PRCP: variants seen among roughly 807,000 people sequenced by gnomAD.
The protein encoded by PRCP is prolylcarboxypeptidase.
In PRCP, 46 loss-of-function variants were observed where a neutral mutation model predicts 54.2. That is an observed-to-expected ratio of 0.85 (90% CI 0.67 to 1.09). The LOEUF (loss-of-function observed/expected upper bound fraction) is 1.09. PRCP is among the 50% of genes least tolerant of loss of function. The pLI, the probability that PRCP is intolerant of heterozygous loss-of-function variation, is 0.00. For synonymous variants in PRCP, 240 were observed against 212.2 expected, an observed-to-expected ratio of 1.13 and a Z score of -1.14; for missense variants, 613 against 596.8, an observed-to-expected ratio of 1.03 and a Z score of -0.28.
chr11:82,829,068 A>T (rs887868264), intron 8 of PRCP: 2 of 152,166 alleles, frequency 1.3e-5, no homozygotes, highest in Non-Finnish European at 2.9e-5. Flanking sequence ...ACCCTGATCC[A>T]AGTCACCATT....
chr11:82,834,073 T>A (rs1858457479), intron 8 of PRCP, among the ~76,000 whole-genome samples: 1 of 152,172 alleles, frequency 6.6e-6, no homozygotes, highest in Non-Finnish European at 1.5e-5. Context: ...GAAACGAGCT[T>A]CTTGCCCTTC....
At chr11:82,877,469 G>A (rs965964008) in intron 1 of PRCP, among the ~76,000 whole-genome samples, 6 of 152,132 alleles carry the variant, frequency 3.9e-5, no homozygotes, top group Non-Finnish European at 7.4e-5. Context: ...AAGTGGTTAC[G>A]TGGGCTGAGC....
At chr11:82,866,725 A>C (rs1859345495) in intron 1 of PRCP, among the ~76,000 whole-genome samples, 1 of 151,380 alleles carries the variant, frequency 6.6e-6, no homozygotes, top group Non-Finnish European at 1.5e-5. Flanking sequence ...AATTGTTTTT[A>C]ATTTTTTTTT....
At chr11:82,827,426 T>A (rs928620026) in intron 8 of PRCP, 2 of 152,234 alleles carry the variant, frequency 1.3e-5, no homozygotes, top group African/African-American at 4.8e-5. Context: ...TATTCTGAGT[T>A]GATTTTTTTG....
At position 82,878,616 on chromosome 11, in the gene PRCP, G is replaced by T. The variant is rs560611828; in HGVS notation, c.169-18499C>A. 7.2e-4 allele frequency among the ~76,000 whole-genome samples: 110 copies of T among 152,260 alleles called. 1 individual carries two copies. Among genetic ancestry groups the T allele is most frequent in the Non-Finnish European group, 1.3e-3 (89 of 68,028 alleles). On this transcript the variant is annotated intron_variant, in intron 1 of 8. Transcript: ENST00000313010. ...TAGCTGGTTATTTTGCTCATTAGTT[G>T]ATGCAGTTTCTTCCTAGCACTGAGG... is the stretch of plus-strand genomic sequence containing the variant.
Position 82,824,744 on chromosome 11 carries a change from G to T in PRCP, c.*162C>A, listed in dbSNP as rs1858179511. The T allele has an allele frequency of 1.4e-6, 1 of 697,260 alleles. No homozygotes were observed. 43.2% of individuals were successfully genotyped at this position (697,260 alleles called of 1,614,324 possible). ...GAGAACCCAGGAAATCACATTCATGGGACACTTGCTCTTACCGTCATCACC... is the reference window on the plus strand; with the variant it reads ...GAGAACCCAGGAAATCACATTCATGTGACACTTGCTCTTACCGTCATCACC... On this transcript the variant is annotated 3_prime_UTR_variant, in exon 9 of 9. Transcript: ENST00000313010.
chr11:82,844,161 A>G (rs571564486), intron 6 of PRCP, among the ~76,000 whole-genome samples: 1 of 152,302 alleles, frequency 6.6e-6, no homozygotes. Context: ...TGAAATACTC[A>G]TAACAACCCT....
At chr11:82,855,511 C>T (rs914588802) in intron 2 of PRCP, among the ~76,000 whole-genome samples, 1 of 151,916 alleles carries the variant, frequency 6.6e-6, no homozygotes, top group East Asian at 1.9e-4. Context: ...CCCAGCTACT[C>T]GGGAGACTGA....
rs558476438 is a variant in PRCP at position 82,868,978 on chromosome 11, G to A, written c.169-8861C>T. 2.6e-5 allele frequency among the ~76,000 whole-genome samples: 4 copies of A among 152,258 alleles called. No homozygotes were observed. The South Asian group carries it at 8.3e-4, about 32-fold the overall frequency. On this transcript the variant is annotated intron_variant, in intron 1 of 8. Coordinates refer to ENST00000313010, the MANE Select transcript of PRCP (RefSeq NM_005040.4). ...TTGAACCTGGGAGGCAGAGGTTGCG[G>A]TAAGCCAAGATCACACCACTGCATT... is the stretch of plus-strand genomic sequence containing the variant.
chr11:82,862,078 AAAAAAAAAATCC>A (rs1175509447), intron 1 of PRCP, among the ~76,000 whole-genome samples: 8 of 122,516 alleles, frequency 6.5e-5, no homozygotes, highest in African/African-American at 1.7e-4. Context: ...TACAAAATCA[AAAAAAAAAATCC>A]AAAAAAAAAT....
intron 1 of PRCP, among the ~76,000 whole-genome samples, chr11:82,869,235 AG>A (rs1859418664): frequency 6.6e-6 from 1 of 151,854 alleles, no homozygotes; most frequent in African/African-American, 2.4e-5. Context: ...ACATGCCTAT[AG>A]TCCTAGCTAC....
chr11:82,824,649 G>A lies in PRCP; in HGVS notation c.*257C>T, dbSNP rs1236871642. The A allele has an allele frequency of 2.2e-6, 1 of 457,692 alleles. No homozygotes were observed. The highest frequency in any genetic ancestry group is 2.0e-5 in the African/African-American group (1 of 50,692). The allele number at this position is 457,692 out of a possible 1,614,324, so 28.4% of individuals were successfully genotyped here. On this transcript the variant is annotated 3_prime_UTR_variant, in exon 9 of 9. Transcript: ENST00000313010. ...AAAAGCAACCAGGAACTCTACTCCA[G>A]TTATGAGGGCCACTGATGGTGTGGG...
At position 82,846,069 on chromosome 11, in the gene PRCP, CCTG is replaced by C. The variant is rs1175699028; in HGVS notation, c.921+2977_921+2979del. On this transcript the variant is annotated intron_variant, in intron 6 of 8. Transcript: ENST00000313010. ...AGGTCCCAGACAGAATTGGAAATCACCTGCTTTTTTTCATAACCTAACTGTTAC... is the reference window on the plus strand; with the variant it reads ...AGGTCCCAGACAGAATTGGAAATCACCTTTTTTTCATAACCTAACTGTTAC... 4 of 152,186 alleles carry C rather than the reference CCTG, an allele frequency of 2.6e-5. No individual in the cohort carries two copies. In the South Asian group the frequency reaches 8.3e-4, roughly 32 times the overall value. The allele number at this position is 152,186 out of a possible 1,614,324, so 9.4% of individuals were successfully genotyped here.
intron 8 of PRCP, chr11:82,827,869 T>C (rs1284458291): frequency 6.6e-6 from 1 of 152,234 alleles, no homozygotes; most frequent in Non-Finnish European, 1.5e-5. Context: ...TATAGTCATC[T>C]TAATAGTATT....
At chr11:82,868,057 C>G (rs1423408095) in intron 1 of PRCP, among the ~76,000 whole-genome samples, 3 of 152,258 alleles carry the variant, frequency 2.0e-5, no homozygotes, top group South Asian at 2.1e-4. Context: ...CATCCCCCTT[C>G]TTTTTAAAGT....
intron 1 of PRCP, among the ~76,000 whole-genome samples, chr11:82,868,834 G>C (rs909391033): frequency 1.3e-5 from 2 of 151,612 alleles, no homozygotes; most frequent in African/African-American, 4.9e-5. Flanking sequence ...CCAGGAGTTC[G>C]AGACCAGCCT....
chr11:82,895,034 C>T (rs1054461914), intron 1 of PRCP, among the ~76,000 whole-genome samples: 1 of 152,018 alleles, frequency 6.6e-6, no homozygotes, highest in African/African-American at 2.4e-5. Context: ...TTATTTTAAT[C>T]CTATTGATTT....
intron 6 of PRCP, among the ~76,000 whole-genome samples, chr11:82,844,128 C>T (rs1376407433): frequency 6.6e-6 from 1 of 151,982 alleles, no homozygotes; most frequent in Non-Finnish European, 1.5e-5. Flanking sequence ...CAATTTAGTG[C>T]TTTTACTTTA....
intron 6 of PRCP, among the ~76,000 whole-genome samples, chr11:82,846,527 A>G (rs1194858017): frequency 1.3e-5 from 2 of 152,172 alleles, no homozygotes; most frequent in Non-Finnish European, 2.9e-5. Context: ...TGATCTGTCA[A>G]AAGAAAGGAT....
Sources: allele counts gnomAD v4.1 joint callset (sites outside exome capture counted in the v4.1 genomes callset), GRCh38; gene constraint gnomAD v4.1.1; transcripts MANE v1.5; gene names NCBI Gene and HGNC (gene_info 2026-07-23, HGNC 2026-07-21).